The following ZNF550 variants were observed in gnomAD, a reference collection of about 807,000 sequenced individuals.
The protein encoded by ZNF550 is zinc finger protein 550.
Under a neutral mutation model 40.2 loss-of-function variants are expected in ZNF550, and 42 were observed. The ratio of observed to expected loss-of-function variants is 1.05; its 90% CI spans 0.82 to 1.35. The LOEUF (loss-of-function observed/expected upper bound fraction) is 1.35. ZNF550 is among the 40% of genes most tolerant of loss of function. The pLI, the probability that ZNF550 is intolerant of heterozygous loss-of-function variation, is 0.00. For synonymous variants in ZNF550, 223 were observed against 198.6 expected, an observed-to-expected ratio of 1.12 and a Z score of -1.03; for missense variants, 549 against 525.2, an observed-to-expected ratio of 1.05 and a Z score of -0.44.
intron 4 of ZNF550, among the ~76,000 whole-genome samples, chr19:57,545,022 T>C (rs2089995975): frequency 6.6e-6 from 1 of 152,204 alleles, no homozygotes; most frequent in South Asian, 2.1e-4. Flanking sequence ...CTTGGGAGGC[T>C]GAGGCAGGAG....
chr19:57,542,607 A>G (rs560886598), exon 5 of ZNF550: 11 of 152,276 alleles, frequency 7.2e-5, no homozygotes, highest in African/African-American at 2.6e-4. Flanking sequence ...AAAAGAAAAA[A>G]AAAGAATTGT....
At chr19:57,548,045 A>G in intron 3 of ZNF550, 52 bp from the exon 4 acceptor site, 1 of 1,504,300 alleles carries the variant, frequency 6.6e-7, no homozygotes, top group Non-Finnish European at 9.0e-7. Flanking sequence ...AAAATATAGA[A>G]AAACACAAAA....
chr19:57,548,149 C>T (rs980075725), intron 3 of ZNF550, among the ~76,000 whole-genome samples, 156 bp from the exon 4 acceptor site: 1 of 152,182 alleles, frequency 6.6e-6, no homozygotes, highest in Non-Finnish European at 1.5e-5. Flanking sequence ...ATACTGCTTA[C>T]GGTCCTTGTA....
upstream of ZNF550, chr19:57,559,874 C>T (rs963142034): frequency 2.2e-6 from 1 of 452,774 alleles, no homozygotes; most frequent in Non-Finnish European, 3.7e-6. Context: ...GCCCCTGTGT[C>T]GCGGTCGCCT....
chr19:57,556,523 T>C, intron 1 of ZNF550, 166 bp from the exon 2 acceptor site: 1 of 774,166 alleles, frequency 1.3e-6, no homozygotes, highest in South Asian at 1.8e-5. Context: ...AGATACTGCC[T>C]TTTGACAATG....
intron 1 of ZNF550, among the ~76,000 whole-genome samples, chr19:57,559,316 G>A (rs977422402): frequency 3.3e-5 from 5 of 152,240 alleles, no homozygotes; most frequent in African/African-American, 9.6e-5. Flanking sequence ...AATGAAGGAC[G>A]AGGACAGTAA....
intron 4 of ZNF550, chr19:57,543,890 A>G: frequency 1.2e-6 from 1 of 832,598 alleles, no homozygotes; most frequent in South Asian, 5.5e-5. Flanking sequence ...GTGAGCTGAG[A>G]TGGCGCCACT....
chr19:57,560,607 T>C (rs2090160467), upstream of ZNF550, among the ~76,000 whole-genome samples: 3 of 152,172 alleles, frequency 2.0e-5, no homozygotes, highest in Admixed American at 1.3e-4. Flanking sequence ...TTTGGGTTTC[T>C]AATTTTATGG....
At chr19:57,547,933 C>T (rs748842717) in exon 4 of ZNF550, 14 of 1,614,104 alleles carry the variant, frequency 8.7e-6, no homozygotes, top group South Asian at 7.7e-5. Context: ...GAGAAAGGCC[C>T]GCTCAGATAA....
At chr19:57,552,834 A>G in intron 2 of ZNF550, 112 bp from the exon 3 acceptor site, 1 of 712,398 alleles carries the variant, frequency 1.4e-6, no homozygotes, top group Non-Finnish European at 2.4e-6. Flanking sequence ...GCTGCTCCCA[A>G]AGTAAGCAAA....
At chr19:57,547,497 G>C (rs1387666296) in exon 4 of ZNF550, 2 of 1,614,156 alleles carry the variant, frequency 1.2e-6, no homozygotes, top group Non-Finnish European at 1.7e-6. Context: ...GGATGAGGTA[G>C]TGCCGAATGA....
chr19:57,559,042 A>T (rs1033535659), intron 1 of ZNF550, among the ~76,000 whole-genome samples: 1 of 152,094 alleles, frequency 6.6e-6, no homozygotes, highest in African/African-American at 2.4e-5. Flanking sequence ...AACCGCAGAA[A>T]CGCTCCTCCC....
At chr19:57,546,453 A>C in intron 4 of ZNF550, 41 of 984,270 alleles carry the variant, frequency 4.2e-5, no homozygotes, top group South Asian at 4.7e-5. Context: ...AAGCAAGAAG[A>C]TACCTGTAAC....
intron 1 of ZNF550, among the ~76,000 whole-genome samples, chr19:57,558,732 A>G (rs2090143985): frequency 6.6e-6 from 1 of 152,112 alleles, no homozygotes; most frequent in African/African-American, 2.4e-5. Context: ...AAAGCAAAGG[A>G]GGGAGAGGTG....
exon 4 of ZNF550, chr19:57,547,885 T>G: frequency 6.2e-7 from 1 of 1,614,030 alleles, no homozygotes; most frequent in Middle Eastern, 1.6e-4. Flanking sequence ...CAACCTCGAA[T>G]CACTTGAGGT....
chr19:57,559,627 G>A, intron 1 of ZNF550, 29 bp downstream of exon 1: 1 of 1,468,588 alleles, frequency 6.8e-7, no homozygotes, highest in South Asian at 1.3e-5. Context: ...AGGCCGGGTG[G>A]CCGCGGGGAG....
intron 4 of ZNF550, chr19:57,546,430 C>A: frequency 1.0e-6 from 1 of 954,128 alleles, no homozygotes. Context: ...ACAGGGAAGT[C>A]TGTAAGGACA....
intron 1 of ZNF550, 43 bp from the exon 2 acceptor site, chr19:57,556,400 C>A: frequency 6.3e-7 from 1 of 1,587,472 alleles, no homozygotes; most frequent in South Asian, 1.2e-5. Context: ...CTTGTGTTGT[C>A]GCATAGGATC....
At position 57,548,019 on chromosome 19, in the gene ZNF550, GGGGTC is replaced by G. The variant is rs1568597962; in HGVS notation, c.251-31_251-27del. ...CTGAAGGGCATCAACAAACAAAGGA[GGGGTC>G]TTTTAGTGATAAAATATAGAAAAAC... On this transcript the variant is annotated intron_variant, in intron 3 of 4. Coordinates refer to ENST00000457177, the Ensembl canonical transcript of ZNF550. The G allele has an allele frequency of 1.2e-5, 19 of 1,592,032 alleles. No individual in the cohort carries two copies. In the South Asian group the frequency reaches 2.1e-4, roughly 18 times the overall value.
Sources: allele counts gnomAD v4.1 joint callset (sites outside exome capture counted in the v4.1 genomes callset), GRCh38; gene constraint gnomAD v4.1.1; transcripts MANE v1.5; gene names NCBI Gene and HGNC (gene_info 2026-07-23, HGNC 2026-07-21).